The following CRIM1 variants were observed in gnomAD, a reference collection of about 807,000 sequenced individuals.
CRIM1 encodes cysteine-rich motor neuron 1 protein.
CRIM1 carries 32 observed loss-of-function variants against 116.4 expected under a neutral mutation model. The ratio of observed to expected loss-of-function variants is 0.27; its 90% CI spans 0.21 to 0.37. The LOEUF (loss-of-function observed/expected upper bound fraction) is 0.37, where lower values mean the gene tolerates loss of function less well. Ranked by LOEUF, CRIM1 falls within the 10% of genes least tolerant of loss-of-function variation. The pLI, the probability that CRIM1 is intolerant of heterozygous loss-of-function variation, is 1.00. For missense variants in CRIM1, 1,331 were observed against 1,354.8 expected (o/e 0.98, Z 0.28); for synonymous variants, 590 against 509.2 (o/e 1.16, Z -2.13).
Position 36,512,316 on chromosome 2 carries a change from C to G in CRIM1, c.1702C>G (p.Pro568Ala). 1 of 1,614,008 alleles carries G rather than the reference C, an allele frequency of 6.2e-7. No homozygotes were observed. The highest frequency in any genetic ancestry group is 8.5e-7 in the Non-Finnish European group (1 of 1,179,874). Residue 568 changes from proline to alanine, a missense_variant, in exon 10 of 17, where the codon CCA (proline) becomes GCA (alanine). Physicochemically the swap from Pro to Ala is conservative, Grantham distance 27. This residue lies in a region of CRIM1 where 358 missense variants were observed against 436.1 expected (regional missense o/e 0.82). Coordinates refer to ENST00000280527, the MANE Select transcript of CRIM1 (RefSeq NM_016441.3). ...TGACATCTGTCGCTGTAAGAAATGT[C>G]CAGAGCTCTCATGCAGTAAGATCTG... ...GCDICRCKKC[P>A]ELSCSKICPL...
At chr2:36,399,317 T>C (rs1305630507) in intron 2 of CRIM1, among the ~76,000 whole-genome samples, 1 of 152,204 alleles carries the variant, frequency 6.6e-6, no homozygotes, top group Non-Finnish European at 1.5e-5. Context: ...CAAACTGGAT[T>C]AGCAGAGGGA....
rs71396495 is a variant in CRIM1, at chr2:36,550,041, A to ATGTG, written c.*1363_*1366dup. 1,306 of 146,612 alleles carry ATGTG rather than the reference A, an allele frequency of 8.9e-3. 5 individuals are homozygous for ATGTG. The highest frequency in any genetic ancestry group is 0.017 in the African/African-American group (661 of 39,430). The allele number at this position is 146,612 out of a possible 1,614,324, so 9.1% of individuals were successfully genotyped here. ...GAAAGATGTGTGTGTGAGAGTATGT[A>ATGTG]TGTGTGTGTGTGTGTGTGTGTGTGT... On this transcript the variant is annotated 3_prime_UTR_variant, in exon 17 of 17. Transcript: ENST00000280527.
chr2:36,528,992 G>C (rs1409778626), intron 13 of CRIM1, among the ~76,000 whole-genome samples: 4 of 152,106 alleles, frequency 2.6e-5, no homozygotes, highest in African/African-American at 4.8e-5. Context: ...AGTTGTTCTG[G>C]TTAACTTGGG....
rs531058191 is a variant in CRIM1, at chr2:36,372,596, T to C, written c.331+15973T>C. On this transcript the variant is annotated intron_variant, in intron 1 of 16. Transcript: ENST00000280527. ...AAGACACATGCAGAATTCTCCTGGATATAAGTTCAGGTACCTGTGCCATTT... is the reference window on the plus strand; with the variant it reads ...AAGACACATGCAGAATTCTCCTGGACATAAGTTCAGGTACCTGTGCCATTT... Among the ~76,000 whole-genome samples, 23 of 152,334 alleles carry C rather than the reference T, an allele frequency of 1.5e-4. No homozygotes were observed. The South Asian group carries it at 4.8e-3, about 32-fold the overall frequency.
At chr2:36,449,890 A>AC (rs1285383720) in intron 4 of CRIM1, among the ~76,000 whole-genome samples, 1 of 151,718 alleles carries the variant, frequency 6.6e-6, no homozygotes, top group African/African-American at 2.4e-5. Flanking sequence ...AAACAAAAAA[A>AC]AACCTTAGAA....
intron 2 of CRIM1, among the ~76,000 whole-genome samples, chr2:36,433,906 C>G (rs1343942848): frequency 6.6e-6 from 1 of 151,914 alleles, no homozygotes; most frequent in East Asian, 1.9e-4. Context: ...GCTGTTAAAT[C>G]CTAAATTCGG....
intron 7 of CRIM1, among the ~76,000 whole-genome samples, chr2:36,480,487 A>T (rs1370658743): frequency 1.3e-5 from 2 of 152,242 alleles, no homozygotes; most frequent in Non-Finnish European, 2.9e-5. Flanking sequence ...TGGATCAAAA[A>T]TTAATCCATG....
intron 13 of CRIM1, chr2:36,529,019 C>G (rs1049354383): frequency 4.7e-6 from 2 of 427,560 alleles, no homozygotes; most frequent in African/African-American, 4.1e-5. Flanking sequence ...CCCTAAGCTG[C>G]ATAGTCTTTA....
At chr2:36,374,702 A>C (rs1460107856) in intron 1 of CRIM1, among the ~76,000 whole-genome samples, 1 of 152,154 alleles carries the variant, frequency 6.6e-6, no homozygotes, top group African/African-American at 2.4e-5. Flanking sequence ...TTTAAGAGAA[A>C]ATCCTATGTA....
intron 2 of CRIM1, among the ~76,000 whole-genome samples, chr2:36,399,387 A>G (rs535199090): frequency 1.2e-4 from 18 of 152,350 alleles, no homozygotes; most frequent in African/African-American, 3.6e-4. Flanking sequence ...GTGTTACCAC[A>G]AGAAACTGGA....
At chr2:36,423,696 C>T (rs199509847) in intron 2 of CRIM1, among the ~76,000 whole-genome samples, 2 of 152,264 alleles carry the variant, frequency 1.3e-5, no homozygotes, top group South Asian at 2.1e-4. Context: ...TTAGACTTTA[C>T]ATTGTTGACT....
At chr2:36,408,791 G>GA (rs112362029) in intron 2 of CRIM1, among the ~76,000 whole-genome samples, 82 of 143,090 alleles carry the variant, frequency 5.7e-4, no homozygotes, top group African/African-American at 8.8e-4. Flanking sequence ...CTTATGAGAA[G>GA]AAAAAAAAAA....
chr2:36,434,088 A>G (rs1385729561), intron 2 of CRIM1, among the ~76,000 whole-genome samples: 1 of 152,260 alleles, frequency 6.6e-6, no homozygotes, highest in Non-Finnish European at 1.5e-5. Context: ...AAAATCATGG[A>G]ATGTGTATGA....
intron 4 of CRIM1, 50 bp from the exon 5 acceptor site, chr2:36,464,484 T>C (rs1558332225): frequency 6.8e-6 from 11 of 1,609,370 alleles, no homozygotes; most frequent in Non-Finnish European, 9.4e-6. Context: ...TCCCGACTTC[T>C]ATGTTGTTGT....
chr2:36,468,728 G>A (rs1044140601), intron 5 of CRIM1, among the ~76,000 whole-genome samples: 1 of 152,306 alleles, frequency 6.6e-6, no homozygotes, highest in South Asian at 2.1e-4. Context: ...TGTTAGATGG[G>A]TGGATGCTCT....
At chr2:36,462,745 A>G (rs545668557) in intron 4 of CRIM1, among the ~76,000 whole-genome samples, 1 of 152,324 alleles carries the variant, frequency 6.6e-6, no homozygotes, top group African/African-American at 2.4e-5. Context: ...AGCCCCATTT[A>G]TCTATAAACT....
chr2:36,517,134 A>G (rs1665082987), intron 11 of CRIM1, among the ~76,000 whole-genome samples, 193 bp from the exon 12 acceptor site: 1 of 152,124 alleles, frequency 6.6e-6, no homozygotes, highest in South Asian at 2.1e-4. Flanking sequence ...CTCACGTCCT[A>G]ATATTAGCTC....
At chr2:36,514,194 T>G (rs1664889024) in intron 11 of CRIM1, among the ~76,000 whole-genome samples, 1 of 152,244 alleles carries the variant, frequency 6.6e-6, no homozygotes, top group Admixed American at 6.5e-5. Flanking sequence ...GAGAAACTTT[T>G]TGAAGTCTGT....
At chr2:36,544,191 T>C (rs1324660572) in intron 14 of CRIM1, among the ~76,000 whole-genome samples, 185 bp from the exon 15 acceptor site, 1 of 152,230 alleles carries the variant, frequency 6.6e-6, no homozygotes, top group African/African-American at 2.4e-5. Context: ...TAAGACATGT[T>C]TCTCCTCACT....
Sources: allele counts gnomAD v4.1 joint callset (sites outside exome capture counted in the v4.1 genomes callset), GRCh38; gene constraint gnomAD v4.1.1; regional missense constraint gnomAD v4.1.1; transcripts MANE v1.5; gene names NCBI Gene and HGNC (gene_info 2026-07-23, HGNC 2026-07-21).